The following C14orf39 variants were observed in gnomAD, a reference collection of about 807,000 sequenced individuals.
C14orf39 encodes chromosome 14 open reading frame 39, also known as protein SIX6OS1.
A neutral mutation model predicts 85.6 loss-of-function variants in C14orf39; 66 were observed. The observed-to-expected ratio is 0.77, with a 90% CI of 0.63 to 0.95. C14orf39 has a LOEUF of 0.95. C14orf39 is among the 40% of genes least tolerant of loss of function. The pLI is 0.00. For missense variants in C14orf39, 735 were observed against 663.9 expected (o/e 1.11, Z -1.18); for synonymous variants, 242 against 214.0 (o/e 1.13, Z -1.14).
At chr14:60,466,611 G>C (rs186086271) in intron 10 of C14orf39, among the ~76,000 whole-genome samples, 17 of 151,952 alleles carry the variant, frequency 1.1e-4, no homozygotes, top group African/African-American at 4.1e-4. Context: ...CACACATATT[G>C]ATAATCAACT....
In C14orf39 at chr14:60,457,061, T is replaced by C. The variant is rs199535806; in HGVS notation, c.1214A>G (p.Glu405Gly). ...IYTEHFGKSV[E>G]NDSDEVEERA... ...CTCTTCTACTTCATCACTATCATTT[T>C]CTACTGACTTCCCAAAATGTTCAGT... Residue 405 changes from glutamate (E) to glycine (G), a missense_variant, in exon 15 of 18, where the codon GAA (glutamate) becomes GGA (glycine). Coordinates refer to ENST00000321731, the MANE Select transcript of C14orf39 (RefSeq NM_174978.3). 1.1e-5 allele frequency: 18 copies of C among 1,603,672 alleles called. No individual in the cohort carries two copies. The East Asian group carries it at 3.6e-4, about 32-fold the overall frequency.
At chr14:60,478,247 T>C (rs1197251019) in intron 5 of C14orf39, 53 bp downstream of exon 5, 13 of 792,976 alleles carry the variant, frequency 1.6e-5, no homozygotes, top group Non-Finnish European at 2.5e-5. Flanking sequence ...TTACACACCA[T>C]GTCCTAATAA....
At chr14:60,442,040 T>A (rs368338797) in intron 17 of C14orf39, 34 bp downstream of exon 17, 1 of 1,505,028 alleles carries the variant, frequency 6.6e-7, no homozygotes, top group Non-Finnish European at 9.2e-7. Flanking sequence ...TGAGTTAACA[T>A]GTTTTTAAAG....
Position 60,510,872 on chromosome 14 carries a change from T to A in C14orf39, c.-144+4523A>T, listed in dbSNP as rs566745955. On this transcript the variant is annotated intron_variant, in intron 1 of 5. Transcript: ENST00000556799. ...CTGCGGCGCTGAGAAAGGGCGCGAA[T>A]CATGGTGGGGCACAACAGTAGGGAC... is the stretch of plus-strand genomic sequence containing the variant. 1.3e-3 allele frequency among the ~76,000 whole-genome samples: 194 copies of A among 152,318 alleles called. 1 individual carries two copies. Among genetic ancestry groups the A allele is most frequent in the African/African-American group, 4.5e-3 (186 of 41,576 alleles).
At chr14:60,451,226 T>A (rs1277569248) in intron 16 of C14orf39, among the ~76,000 whole-genome samples, 4 of 152,052 alleles carry the variant, frequency 2.6e-5, no homozygotes, top group Admixed American at 2.6e-4. Context: ...TAGGAACACT[T>A]TTACATTGTT....
At chr14:60,474,057 G>C (rs1364230217) in intron 5 of C14orf39, among the ~76,000 whole-genome samples, 1 of 152,108 alleles carries the variant, frequency 6.6e-6, no homozygotes, top group Non-Finnish European at 1.5e-5. Flanking sequence ...TCTTCCATTT[G>C]TTTGTGTCCT....
At chr14:60,470,645 G>T (rs1040505981) in intron 7 of C14orf39, among the ~76,000 whole-genome samples, 1 of 151,730 alleles carries the variant, frequency 6.6e-6, no homozygotes, top group South Asian at 2.1e-4. Flanking sequence ...AAGCGCAAAT[G>T]GGCAGCAAAT....
Position 60,471,622 on chromosome 14 carries a change from T to G in C14orf39, c.441A>C (p.Glu147Asp). 6.2e-7 allele frequency: 1 copy of G among 1,611,200 alleles called. No individual in the cohort carries two copies. The highest frequency in any genetic ancestry group is 1.1e-5 in the South Asian group (1 of 90,704). ...TACATGCCAACACTCTGCTTTGAATTTCTTCATGTTCTCTTTTCTTCTCAT... is the reference window on the plus strand; with the variant it reads ...TACATGCCAACACTCTGCTTTGAATGTCTTCATGTTCTCTTTTCTTCTCAT... ...EYYEKKREHE[E>D]IQSRVLACTE... The change falls in exon 6 of 18, where the codon GAA becomes GAC. Residue 147 changes from glutamate to aspartate, a missense_variant. By Grantham distance (45) the Glu-to-Asp change is conservative. Transcript: ENST00000321731.
At chr14:60,455,370 T>A (rs1360937212) in intron 15 of C14orf39, among the ~76,000 whole-genome samples, 1 of 152,030 alleles carries the variant, frequency 6.6e-6, no homozygotes, top group South Asian at 2.1e-4. Context: ...AAGAACCCTA[T>A]GAAATAGGTA....
intron 15 of C14orf39, 84 bp downstream of exon 15, chr14:60,456,833 A>G: frequency 2.5e-6 from 3 of 1,216,924 alleles, no homozygotes; most frequent in South Asian, 1.6e-5. Flanking sequence ...TGTTAAAGGT[A>G]CTAAGCATTT....
At chr14:60,449,726 T>A (rs1033009567) in intron 16 of C14orf39, among the ~76,000 whole-genome samples, 2 of 152,232 alleles carry the variant, frequency 1.3e-5, no homozygotes, top group African/African-American at 2.4e-5. Flanking sequence ...TTATTTTGTT[T>A]CTTCATTTTA....
rs1223091269 is a variant in C14orf39 at position 60,484,231 on chromosome 14, A to G, written c.107-414T>C. 6.6e-6 allele frequency among the ~76,000 whole-genome samples: 1 copy of G among 152,178 alleles called. No homozygotes were observed. The highest frequency in any genetic ancestry group is 1.5e-5 in the Non-Finnish European group (1 of 68,028). On this transcript the variant is annotated intron_variant, in intron 3 of 17. Transcript: ENST00000321731. The surrounding 1 kb of genome is among the most constrained non-coding windows in gnomAD (Gnocchi z 4.2). The stretch of plus-strand genomic sequence containing the variant: ...TCATCAATTCTATGTCAATTATTAA[A>G]CGCACTTTCAACTCACTTATTTCTG...
intron 1 of C14orf39, among the ~76,000 whole-genome samples, chr14:60,505,488 T>C (rs1486967308): frequency 6.6e-6 from 1 of 152,166 alleles, no homozygotes; most frequent in Non-Finnish European, 1.5e-5. Context: ...TTTTTAGAAG[T>C]AGAGTTATAA....
intron 5 of C14orf39, among the ~76,000 whole-genome samples, chr14:60,474,386 A>G (rs139470301): frequency 1.9e-5 from 2 of 103,584 alleles, no homozygotes; most frequent in Non-Finnish European, 2.2e-5. Context: ...ATTGAATACC[A>G]TTTATTTCTT....
chr14:60,476,280 T>C (rs1281252428), intron 5 of C14orf39, among the ~76,000 whole-genome samples: 1 of 152,188 alleles, frequency 6.6e-6, no homozygotes, highest in Admixed American at 6.5e-5. Context: ...TCATACTGTA[T>C]ATTCATGCTC....
chr14:60,456,856 CAGTT>C (rs1369495367), intron 15 of C14orf39, 57 bp downstream of exon 15: 14 of 1,367,990 alleles, frequency 1.0e-5, no homozygotes, highest in Non-Finnish European at 1.4e-5. Flanking sequence ...CTATTCCTAT[CAGTT>C]ATTTATGTAA....
At chr14:60,479,146 CTAT>C (rs1259408917) in intron 4 of C14orf39, among the ~76,000 whole-genome samples, 3 of 151,756 alleles carry the variant, frequency 2.0e-5, no homozygotes, top group South Asian at 4.2e-4. Context: ...TGAATAATGA[CTAT>C]TATTGTTTTA....
chr14:60,465,206 A>T (rs1396000298), intron 11 of C14orf39, among the ~76,000 whole-genome samples: 1 of 152,110 alleles, frequency 6.6e-6, no homozygotes, highest in African/African-American at 2.4e-5. Context: ...AGATTTAAAA[A>T]TTTTTATAAG....
intron 5 of C14orf39, 69 bp from the exon 6 acceptor site, chr14:60,471,808 TAA>T (rs1234404119): frequency 4.7e-6 from 4 of 845,152 alleles, no homozygotes; most frequent in Admixed American, 5.9e-5. Flanking sequence ...AATACACTGT[TAA>T]AGTCTACTAA....
Sources: allele counts gnomAD v4.1 joint callset (sites outside exome capture counted in the v4.1 genomes callset), GRCh38; gene constraint gnomAD v4.1.1; non-coding constraint Gnocchi (gnomAD v3.1); transcripts MANE v1.5; gene names NCBI Gene and HGNC (gene_info 2026-07-23, HGNC 2026-07-21).